The following NAV2 variants were observed in gnomAD, a reference collection of about 807,000 sequenced individuals.
NAV2 encodes helicase, APC down-regulated 1.
Under a neutral mutation model 223.2 loss-of-function variants are expected in NAV2, and 54 were observed. The observed-to-expected ratio is 0.24, with a 90% CI of 0.19 to 0.30. The LOEUF (loss-of-function observed/expected upper bound fraction) is 0.30, where lower values mean the gene tolerates loss of function less well. Among genes scored for constraint, NAV2 ranks in the 10% least tolerant of loss-of-function variants. NAV2 has a pLI of 1.00. For missense variants in NAV2, 2,806 were observed against 3,147.5 expected (o/e 0.89, Z 2.60); for synonymous variants, 1,279 against 1,239.3 (o/e 1.03, Z -0.67).
intron 1 of NAV2, among the ~76,000 whole-genome samples, chr11:19,475,607 G>A (rs1451571294): frequency 1.3e-5 from 2 of 152,128 alleles, no homozygotes; most frequent in African/African-American, 4.8e-5. Flanking sequence ...ATCTCTCTGG[G>A]GAATCCCTGG....
chr11:19,993,034 A>G (rs1321806894), intron 11 of NAV2, among the ~76,000 whole-genome samples: 1 of 152,210 alleles, frequency 6.6e-6, no homozygotes, highest in Non-Finnish European at 1.5e-5. Flanking sequence ...AAAGGCCAAG[A>G]TGGGTCACCT....
At chr11:19,814,348 G>A (rs2058983243) in intron 1 of NAV2, among the ~76,000 whole-genome samples, 1 of 152,130 alleles carries the variant, frequency 6.6e-6, no homozygotes, top group Non-Finnish European at 1.5e-5. Flanking sequence ...TGTTCAGTGA[G>A]ACCCATGGAT....
intron 11 of NAV2, among the ~76,000 whole-genome samples, chr11:20,017,142 A>T (rs923768399): frequency 5.9e-5 from 9 of 152,250 alleles, no homozygotes; most frequent in African/African-American, 2.2e-4. Context: ...ATGCAGAGGC[A>T]CACTGACTAC....
chr11:19,992,202 C>G (rs1453262577), intron 11 of NAV2, among the ~76,000 whole-genome samples: 1 of 152,192 alleles, frequency 6.6e-6, no homozygotes, highest in African/African-American at 2.4e-5. Context: ...TGCCTGTTTC[C>G]TCAGTAGCAG....
At chr11:19,485,990 TCC>T (rs1342137473) in intron 1 of NAV2, among the ~76,000 whole-genome samples, 1 of 152,094 alleles carries the variant, frequency 6.6e-6, no homozygotes, top group Non-Finnish European at 1.5e-5. Flanking sequence ...CCATGCACCC[TCC>T]ACCTGATGCC....
chr11:20,039,514 T>G (rs1420927399), intron 12 of NAV2, among the ~76,000 whole-genome samples: 1 of 151,984 alleles, frequency 6.6e-6, no homozygotes, highest in Non-Finnish European at 1.5e-5. Context: ...CAGCCTCCAT[T>G]CATGGCAGTT....
intron 11 of NAV2, among the ~76,000 whole-genome samples, chr11:20,030,467 A>G (rs2055604903): frequency 6.6e-6 from 1 of 152,222 alleles, no homozygotes; most frequent in Non-Finnish European, 1.5e-5. Context: ...TAAAACAAGT[A>G]TTTTGTTCAT....
intron 35 of NAV2, among the ~76,000 whole-genome samples, chr11:20,106,179 GTGTGTATATA>G (rs2062045498): frequency 1.4e-4 from 2 of 14,688 alleles, no homozygotes; most frequent in African/African-American, 2.8e-4. Flanking sequence ...ATATATATGT[GTGTGTATATA>G]TATATATATA....
At chr11:19,401,387 T>C (rs539141086) in intron 1 of NAV2, among the ~76,000 whole-genome samples, 6 of 152,364 alleles carry the variant, frequency 3.9e-5, no homozygotes, top group South Asian at 2.1e-4. Flanking sequence ...AATTGTCTTA[T>C]TGGTGTTGAT....
chr11:19,571,217 A>G (rs1171372778), intron 1 of NAV2, among the ~76,000 whole-genome samples: 1 of 152,206 alleles, frequency 6.6e-6, no homozygotes, highest in Non-Finnish European at 1.5e-5. Context: ...CATTTCTATG[A>G]ACTATCCAGA....
At chr11:19,797,784 A>G (rs2058012520) in intron 1 of NAV2, among the ~76,000 whole-genome samples, 1 of 152,114 alleles carries the variant, frequency 6.6e-6, no homozygotes. Context: ...TTCCCTGGGC[A>G]CCAGTTTTCC....
intron 37 of NAV2, 31 bp downstream of exon 37, chr11:20,114,826 A>G (rs553602311): frequency 6.3e-7 from 1 of 1,593,116 alleles, no homozygotes; most frequent in South Asian, 1.1e-5. Flanking sequence ...GCAGCTCAGC[A>G]TTCCTTTAGC....
rs1188045267 is a variant in NAV2 at position 20,120,791 on chromosome 11, AT to A, written c.*2534del. 2.0e-5 allele frequency: 3 copies of A among 152,458 alleles called. No homozygotes were observed. The highest frequency in any genetic ancestry group is 4.4e-5 in the Non-Finnish European group (3 of 68,040). 9.4% of individuals were successfully genotyped at this position (152,458 alleles called of 1,614,324 possible). On this transcript the variant is annotated 3_prime_UTR_variant, in exon 38 of 38. Coordinates refer to ENST00000349880, the MANE Select transcript of NAV2 (RefSeq NM_145117.5). ...AAGTTTCGGGAAGCAGGGTTGTCTA[AT>A]ATGCACATTTCTTATTTTGGTCATA... is the stretch of plus-strand genomic sequence containing the variant.
At chr11:19,823,822 C>T (rs12803578) in intron 1 of NAV2, among the ~76,000 whole-genome samples, 8,265 of 152,104 alleles carry the variant, frequency 0.054, 298 homozygotes, top group Non-Finnish European at 0.078. Flanking sequence ...ATGTAGATGA[C>T]GGGTTGATGG....
chr11:19,787,573 G>A (rs979016314), intron 1 of NAV2, among the ~76,000 whole-genome samples: 1 of 152,132 alleles, frequency 6.6e-6, no homozygotes, highest in Admixed American at 6.5e-5. Context: ...TGTTTAATTT[G>A]TCTGAACTTC....
chr11:19,787,268 A>ATTTTTTTTTTTTTTTTTTTTTTT (rs1565315820), intron 1 of NAV2, among the ~76,000 whole-genome samples: 1 of 29,406 alleles, frequency 3.4e-5, no homozygotes, highest in African/African-American at 1.4e-4. Flanking sequence ...TTTTTATTGG[A>ATTTTTTTTTTTTTTTTTTTTTTT]TCTTTTTTTT....
In NAV2 at chr11:20,011,423, C is replaced by T. The variant is rs183077097; in HGVS notation, c.2769-24536C>T. 2.2e-3 allele frequency among the ~76,000 whole-genome samples: 335 copies of T among 152,254 alleles called. 1 individual carries two copies. Among genetic ancestry groups the T allele is most frequent in the African/African-American group, 7.7e-3 (319 of 41,550 alleles). On this transcript the variant is annotated intron_variant, in intron 11 of 37. Coordinates refer to ENST00000349880, the MANE Select transcript of NAV2 (RefSeq NM_145117.5). The stretch of plus-strand genomic sequence containing the variant: ...TTTTTTGTTCATGTAAGCACTTAGA[C>T]ATTTTGTTTTTTGAAAGACCAAACA...
chr11:19,904,020 G>A lies in NAV2; in HGVS notation c.931+11426G>A, dbSNP rs968899858. Reference sequence around the variant, plus strand: ...GCCGTCCACCCACTCACTTGGGCAGGCAGCCAGCTGGTGGATTCAAGGATC... The same window carrying A: ...GCCGTCCACCCACTCACTTGGGCAGACAGCCAGCTGGTGGATTCAAGGATC... On this transcript the variant is annotated intron_variant, in intron 6 of 37. Coordinates refer to ENST00000349880, the MANE Select transcript of NAV2 (RefSeq NM_145117.5). 3.3e-5 allele frequency among the ~76,000 whole-genome samples: 5 copies of A among 152,228 alleles called. 1 individual carries two copies. The highest frequency in any genetic ancestry group is 1.2e-4 in the African/African-American group (5 of 41,462).
At chr11:19,530,861 A>G (rs1332258362) in intron 1 of NAV2, among the ~76,000 whole-genome samples, 1 of 152,240 alleles carries the variant, frequency 6.6e-6, no homozygotes, top group Non-Finnish European at 1.5e-5. Context: ...TGAATCTGCC[A>G]AGTCCCACAG....
Sources: allele counts gnomAD v4.1 joint callset (sites outside exome capture counted in the v4.1 genomes callset), GRCh38; gene constraint gnomAD v4.1.1; transcripts MANE v1.5; gene names NCBI Gene and HGNC (gene_info 2026-07-23, HGNC 2026-07-21).